ANKIB1: variants seen among roughly 807,000 people sequenced by gnomAD.
ANKIB1 encodes ankyrin repeat and IBR domain-containing protein 1.
A neutral mutation model predicts 122.1 loss-of-function variants in ANKIB1; 43 were observed. The ratio of observed to expected loss-of-function variants is 0.35; its 90% CI spans 0.28 to 0.45. The LOEUF (loss-of-function observed/expected upper bound fraction) is 0.45. Ranked by LOEUF, ANKIB1 falls within the 20% of genes least tolerant of loss-of-function variation. The probability of loss-of-function intolerance (pLI) is 1.00; values close to 1 mark genes in which losing one functional copy is unlikely to be tolerated. For synonymous variants in ANKIB1, 390 were observed against 442.0 expected, an observed-to-expected ratio of 0.88 and a Z score of 1.48; for missense variants, 992 against 1,329.5, an observed-to-expected ratio of 0.75 and a Z score of 3.95.
intron 4 of ANKIB1, 35 bp from the exon 5 acceptor site, chr7:92,327,748 A>G (rs1803058383): frequency 2.6e-6 from 3 of 1,174,014 alleles, no homozygotes; most frequent in Non-Finnish European, 3.6e-6. Flanking sequence ...TATGAGTATA[A>G]TGCCCATTTA....
intron 1 of ANKIB1, among the ~76,000 whole-genome samples, chr7:92,291,293 CAAAA>C (rs1437355363): frequency 1.1e-5 from 1 of 93,238 alleles, no homozygotes. Context: ...GATCCCGTCT[CAAAA>C]AAAAAAAAAA....
At chr7:92,376,435 C>CTT (rs1018441745) in intron 11 of ANKIB1, among the ~76,000 whole-genome samples, 2 of 150,018 alleles carry the variant, frequency 1.3e-5, no homozygotes, top group African/African-American at 4.9e-5. Context: ...TTACCTTGCA[C>CTT]TTTTTTTTTA....
chr7:92,338,986 C>CT (rs1304190114), intron 5 of ANKIB1, among the ~76,000 whole-genome samples: 3 of 102,380 alleles, frequency 2.9e-5, no homozygotes, highest in Non-Finnish European at 5.8e-5. Flanking sequence ...ATGAATCTTC[C>CT]TTTTTTCTTT....
intron 4 of ANKIB1, chr7:92,326,030 T>C: frequency 2.5e-6 from 1 of 400,800 alleles, no homozygotes; most frequent in Non-Finnish European, 4.9e-6. Context: ...TTAATCTGTC[T>C]TGCAGAAGAA....
chr7:92,383,501 G>A (rs1427519514), intron 11 of ANKIB1, among the ~76,000 whole-genome samples: 1 of 152,006 alleles, frequency 6.6e-6, no homozygotes, highest in Non-Finnish European at 1.5e-5. Context: ...AATAAATACT[G>A]GCAAACCAAA....
At chr7:92,374,755 G>C (rs533359189) in intron 11 of ANKIB1, among the ~76,000 whole-genome samples, 16 of 151,968 alleles carry the variant, frequency 1.1e-4, no homozygotes, top group South Asian at 4.2e-4. Context: ...CCAGGAGAAA[G>C]GTTCTGGTTT....
chr7:92,313,921 G>A (rs1802741430), intron 3 of ANKIB1, among the ~76,000 whole-genome samples: 1 of 152,100 alleles, frequency 6.6e-6, no homozygotes, highest in African/African-American at 2.4e-5. Context: ...TTACTTTAAA[G>A]GAGGATAGAG....
intron 11 of ANKIB1, among the ~76,000 whole-genome samples, chr7:92,381,343 C>G (rs932400915): frequency 1.3e-5 from 2 of 152,088 alleles, no homozygotes; most frequent in Admixed American, 6.5e-5. Flanking sequence ...GAGACCTTCC[C>G]CAACCTAGCA....
At position 92,380,018 on chromosome 7, in the gene ANKIB1, G is replaced by A. The variant is rs370816407; in HGVS notation, c.1618-6491G>A. Among the ~76,000 whole-genome samples, 74 of 152,276 alleles carry A rather than the reference G, an allele frequency of 4.9e-4. 1 individual carries two copies. The highest frequency in any genetic ancestry group is 1.0e-3 in the African/African-American group (43 of 41,550). On this transcript the variant is annotated intron_variant, in intron 11 of 19. Transcript: ENST00000265742. The stretch of plus-strand genomic sequence containing the variant: ...AAGAGAAGCCATGACAGGCTGTACC[G>A]GGAAAATCGGGACACTGCCACATAA...
chr7:92,261,310 C>T (rs1255257661), intron 1 of ANKIB1, among the ~76,000 whole-genome samples: 1 of 146,600 alleles, frequency 6.8e-6, no homozygotes, highest in East Asian at 2.0e-4. Context: ...GATCGCGCCA[C>T]TGCACTCCAG....
At chr7:92,391,449 C>A in intron 16 of ANKIB1, 105 bp downstream of exon 16, 1 of 1,018,438 alleles carries the variant, frequency 9.8e-7, no homozygotes, top group Non-Finnish European at 1.3e-6. Context: ...ATTATTTACA[C>A]CTAAAATATG....
intron 10 of ANKIB1, among the ~76,000 whole-genome samples, chr7:92,370,508 C>CAA (rs34318038): frequency 0.019 from 616 of 32,922 alleles, 85 homozygotes; most frequent in Non-Finnish European, 0.025. Context: ...ACTCTTGTCT[C>CAA]AAAAAAAAAA....
chr7:92,283,438 GC>G (rs1282306478), intron 1 of ANKIB1, among the ~76,000 whole-genome samples: 1 of 152,216 alleles, frequency 6.6e-6, no homozygotes, highest in Non-Finnish European at 1.5e-5. Flanking sequence ...GGTAAGCTAG[GC>G]CCCAAATCTC....
chr7:92,388,141 A>G, intron 14 of ANKIB1, 100 bp downstream of exon 14: 5 of 1,123,400 alleles, frequency 4.5e-6, no homozygotes. Context: ...CATTATGTTC[A>G]TTAGCTTGTT....
At chr7:92,257,685 G>A (rs966977508) in intron 1 of ANKIB1, among the ~76,000 whole-genome samples, 6 of 152,152 alleles carry the variant, frequency 3.9e-5, no homozygotes, top group Non-Finnish European at 7.3e-5. Flanking sequence ...CCGGCTACTC[G>A]GGAGGCTGAG....
chr7:92,345,798 CT>C (rs74719510), intron 7 of ANKIB1, among the ~76,000 whole-genome samples: 178 of 144,004 alleles, frequency 1.2e-3, no homozygotes, highest in Non-Finnish European at 1.3e-3. Context: ...AGTTTTTAAC[CT>C]TTTTTTTTTT....
intron 1 of ANKIB1, among the ~76,000 whole-genome samples, chr7:92,280,604 T>C (rs1051354850): frequency 1.3e-5 from 2 of 152,154 alleles, no homozygotes; most frequent in African/African-American, 4.8e-5. Flanking sequence ...ATTTGGACTC[T>C]TTCTCCTCCT....
chr7:92,398,310 C>A lies in ANKIB1; in HGVS notation c.2631C>A (p.Asp877Glu). Residue 877 changes from aspartate (D) to glutamate (E), a missense_variant, in exon 20 of 20, where the codon GAC becomes GAA. Coordinates refer to ENST00000265742, the MANE Select transcript of ANKIB1 (RefSeq NM_019004.2). ...TGGCCCTCGATGAAGAAACTAGAGA[C>A]TTCCTCAGTAATGAAGCATCCTTAG... ...SGLALDEETR[D>E]FLSNEASLGA... is the part of the protein sequence containing the mutation. 1 of 1,613,740 alleles carries A rather than the reference C, an allele frequency of 6.2e-7. No homozygotes were observed. Among genetic ancestry groups the A allele is most frequent in the South Asian group, 1.1e-5 (1 of 91,036 alleles).
chr7:92,258,190 A>G lies in ANKIB1; in HGVS notation c.-91+11671A>G, dbSNP rs185293398. ...AGAAACAGGGAAACTCAGAGGGGAT[A>G]CTTATCTTTTAACTACCCAAAAACT... On this transcript the variant is annotated intron_variant, in intron 1 of 19. Coordinates refer to ENST00000265742, the MANE Select transcript of ANKIB1 (RefSeq NM_019004.2). Among the ~76,000 whole-genome samples, 1,093 of 152,356 alleles carry G rather than the reference A, an allele frequency of 7.2e-3. 11 individuals are homozygous for G. Among genetic ancestry groups the G allele is most frequent in the African/African-American group, 0.025 (1,042 of 41,586 alleles).
Sources: gnomAD v4.1 joint callset for allele counts (sites outside exome capture counted in the v4.1 genomes callset) on GRCh38, gnomAD v4.1.1 for gene constraint, MANE v1.5 for transcripts, NCBI Gene and HGNC (gene_info 2026-07-23, HGNC 2026-07-21) for gene names.